Variants in TXNRD1 observed in about 807,000 individuals in gnomAD.
TXNRD1 encodes thioredoxin reductase 1.
In TXNRD1, 57 loss-of-function variants were observed where a neutral mutation model predicts 80.3. That is an observed-to-expected ratio of 0.71 (90% CI 0.57 to 0.89). The LOEUF (loss-of-function observed/expected upper bound fraction) is 0.89, where lower values mean the gene tolerates loss of function less well. Among genes scored for constraint, TXNRD1 ranks in the 40% least tolerant of loss-of-function variants. TXNRD1 has a pLI of 0.00. For missense variants in TXNRD1, 730 were observed against 803.0 expected (o/e 0.91, Z 1.10); for synonymous variants, 291 against 285.2 (o/e 1.02, Z -0.20).
chr12:104,238,806 AT>A (rs907635178), intron 1 of TXNRD1, among the ~76,000 whole-genome samples: 4 of 150,994 alleles, frequency 2.6e-5, no homozygotes, highest in African/African-American at 9.7e-5. Flanking sequence ...TTTGTGGATA[AT>A]TTTTTTTGTC....
Position 104,265,746 on chromosome 12 carries a change from C to T in TXNRD1, c.304+7667C>T, listed in dbSNP as rs531363100. 1.3e-3 allele frequency: 2,018 copies of T among 1,596,616 alleles called. 43 individuals are homozygous for T. Among genetic ancestry groups the T allele is most frequent in the Non-Finnish European group, 1.9e-4 (222 of 1,176,738 alleles). On this transcript the variant is annotated intron_variant, in intron 3 of 16. Transcript: ENST00000525566. ...GCCGGCCGGCTGTCAAGCAGTTCCA[C>T]GACTCCAAGATCAAGTTCCCGCTGC... is the stretch of plus-strand genomic sequence containing the variant.
At chr12:104,221,421 G>T (rs1174625919) in intron 1 of TXNRD1, among the ~76,000 whole-genome samples, 2 of 152,112 alleles carry the variant, frequency 1.3e-5, no homozygotes, top group Non-Finnish European at 2.9e-5. Context: ...GGGTTCAAGC[G>T]ATTCTCCTGC....
At chr12:104,270,720 C>A (rs955330315) in intron 3 of TXNRD1, among the ~76,000 whole-genome samples, 8 of 152,138 alleles carry the variant, frequency 5.3e-5, no homozygotes, top group Non-Finnish European at 1.2e-4. Context: ...TGACTAAATA[C>A]TGGCCTAATG....
rs1356512239 is a variant in TXNRD1, at chr12:104,323,312, T to C, written c.1215+1996T>C. Among the ~76,000 whole-genome samples the C allele has an allele frequency of 6.6e-5, 10 of 150,690 alleles. No homozygotes were observed. The South Asian group carries it at 1.3e-3, about 19-fold the overall frequency. ...TCATCCTGGCCCGTTCTCAATGAGC[T>C]GTTGGGCACACCTCCCAGAAGGGGT... On this transcript the variant is annotated intron_variant, in intron 10 of 16. Transcript: ENST00000525566.
At chr12:104,289,941 G>T (rs564911288) in intron 4 of TXNRD1, among the ~76,000 whole-genome samples, 1 of 152,294 alleles carries the variant, frequency 6.6e-6, no homozygotes, top group African/African-American at 2.4e-5. Context: ...GACCTCAGAT[G>T]ATCCACGGCT....
chr12:104,323,149 G>A (rs1189399887), intron 10 of TXNRD1, among the ~76,000 whole-genome samples: 1 of 128,058 alleles, frequency 7.8e-6, no homozygotes, highest in Non-Finnish European at 1.6e-5. Flanking sequence ...GGATCCCAAG[G>A]CAGAGGAATT....
chr12:104,293,832 A>G (rs546272138), intron 4 of TXNRD1, among the ~76,000 whole-genome samples: 45 of 152,274 alleles, frequency 3.0e-4, no homozygotes, highest in African/African-American at 2.6e-4. Flanking sequence ...GGGCTGCACT[A>G]TTATTTATTG....
rs2035454292 is a variant in TXNRD1 at position 104,319,493 on chromosome 12, A to G, written c.897A>G (p.Glu299=). 11 of 1,591,368 alleles carry G rather than the reference A, an allele frequency of 6.9e-6. No homozygotes were observed. Among genetic ancestry groups the G allele is most frequent in the Non-Finnish European group, 9.4e-6 (11 of 1,168,388 alleles). The change falls in exon 9 of 17, where the codon GAA becomes GAG. Residue 299 remains glutamate (E), a synonymous_variant. Transcript: ENST00000525566. ...AGGCAACAAATAATAAAGGCAAAGA[A>G]AAAATTTATTCAGCAGAGAGATTTC... The part of the protein sequence containing the change: ...RIKATNNKGK[E]KIYSAERFLI...
chr12:104,218,896 C>T (rs193113945), intron 1 of TXNRD1, among the ~76,000 whole-genome samples: 2 of 152,314 alleles, frequency 1.3e-5, no homozygotes, highest in Admixed American at 1.3e-4. Flanking sequence ...GTGTGAGCCA[C>T]TGTACCCAGC....
intron 1 of TXNRD1, among the ~76,000 whole-genome samples, chr12:104,232,736 A>C (rs2032652687): frequency 6.6e-6 from 1 of 152,158 alleles, no homozygotes; most frequent in Non-Finnish European, 1.5e-5. Flanking sequence ...GTTAGACATA[A>C]ATTTTCGGTG....
chr12:104,315,357 T>C (rs1425361072), intron 6 of TXNRD1, among the ~76,000 whole-genome samples: 2 of 152,236 alleles, frequency 1.3e-5, no homozygotes, highest in African/African-American at 4.8e-5. Flanking sequence ...AAGTGTTGAA[T>C]ATCTCATATA....
rs1465776200 is a variant in TXNRD1 at position 104,265,273 on chromosome 12, C to T, written c.304+7194C>T. ...CTTAAAAAAAAAAAAAAAAAAACTT[C>T]CTTTTGCGGGTGGCGGCGAACGCGG... On this transcript the variant is annotated intron_variant, in intron 3 of 16. Transcript: ENST00000525566. The T allele has an allele frequency of 5.3e-6, 8 of 1,514,246 alleles. No homozygotes were observed. The East Asian group carries it at 7.1e-5, about 13-fold the overall frequency. 93.8% of individuals were successfully genotyped at this position (1,514,246 alleles called of 1,614,324 possible). A position where few individuals can be genotyped will look rare whatever the true frequency, so the allele number is the denominator to read the frequency against.
At chr12:104,260,496 A>C (rs2033344696) in intron 3 of TXNRD1, among the ~76,000 whole-genome samples, 1 of 151,886 alleles carries the variant, frequency 6.6e-6, no homozygotes, top group African/African-American at 2.4e-5. Flanking sequence ...AAACACAAAA[A>C]ACAACAACAA....
intron 4 of TXNRD1, among the ~76,000 whole-genome samples, chr12:104,306,461 G>C (rs1380740899): frequency 6.6e-6 from 1 of 152,014 alleles, no homozygotes; most frequent in Non-Finnish European, 1.5e-5. Flanking sequence ...GTGGAATTTT[G>C]CCATTAAACA....
chr12:104,281,221 T>C (rs1005169167), intron 3 of TXNRD1, among the ~76,000 whole-genome samples: 6 of 152,170 alleles, frequency 3.9e-5, no homozygotes, highest in African/African-American at 1.4e-4. Context: ...AGCGTTATCA[T>C]TGATTCTCTT....
intron 6 of TXNRD1, among the ~76,000 whole-genome samples, chr12:104,314,733 T>C (rs2035258597): frequency 6.9e-6 from 1 of 145,472 alleles, no homozygotes; most frequent in African/African-American, 2.6e-5. Context: ...CACCAAAATT[T>C]TTTTCTTTTT....
intron 3 of TXNRD1, among the ~76,000 whole-genome samples, chr12:104,272,171 C>A (rs2033665071): frequency 6.6e-6 from 1 of 152,142 alleles, no homozygotes; most frequent in Non-Finnish European, 1.5e-5. Context: ...GAAGGGTGCG[C>A]CCTTACAGAC....
chr12:104,279,189 AT>A (rs2033825414), intron 3 of TXNRD1, among the ~76,000 whole-genome samples: 1 of 151,972 alleles, frequency 6.6e-6, no homozygotes, highest in Non-Finnish European at 1.5e-5. Flanking sequence ...GATTTAGAAT[AT>A]TTTCATCACC....
chr12:104,236,929 A>AT (rs935647765), intron 1 of TXNRD1, among the ~76,000 whole-genome samples: 14 of 150,644 alleles, frequency 9.3e-5, no homozygotes, highest in African/African-American at 3.4e-4. Flanking sequence ...ATTTTTCTCC[A>AT]TTTTTTGTCT....
Sources: gnomAD v4.1 joint callset for allele counts (sites outside exome capture counted in the v4.1 genomes callset) on GRCh38, gnomAD v4.1.1 for gene constraint, MANE v1.5 for transcripts, NCBI Gene and HGNC (gene_info 2026-07-23, HGNC 2026-07-21) for gene names.